The following MLXIP variants were observed in gnomAD, a reference collection of about 807,000 sequenced individuals.
MLXIP encodes the protein MLX-interacting protein.
In MLXIP, 30 loss-of-function variants were observed where a neutral mutation model predicts 87.2. That is an observed-to-expected ratio of 0.34 (90% CI 0.26 to 0.47). The LOEUF (loss-of-function observed/expected upper bound fraction) is 0.47. Ranked by LOEUF, MLXIP falls within the 20% of genes least tolerant of loss-of-function variation. The probability of loss-of-function intolerance (pLI) is 1.00; values close to 1 mark genes in which losing one functional copy is unlikely to be tolerated. For synonymous variants in MLXIP, 530 were observed against 514.0 expected (o/e 1.03, Z -0.42); for missense variants, 1,002 against 1,240.1 (o/e 0.81, Z 2.88).
chr12:122,085,875 G>A (rs981784680), intron 1 of MLXIP, among the ~76,000 whole-genome samples: 1 of 152,168 alleles, frequency 6.6e-6, no homozygotes, highest in African/African-American at 2.4e-5. Context: ...CTGTGACTGT[G>A]CTAGGTCATA....
chr12:122,117,421 G>T (rs1438666943), intron 1 of MLXIP, among the ~76,000 whole-genome samples: 1 of 152,230 alleles, frequency 6.6e-6, no homozygotes, highest in Non-Finnish European at 1.5e-5. Context: ...TTTGGCTGCT[G>T]GCAGCCTGTG....
Position 122,135,379 on chromosome 12 carries a change from T to G in MLXIP, c.1854+34T>G. ...GGCCCTAGGCAGACCTGCAGTGTCC[T>G]TCTCACCCCGGAGCACTCTGATCTT... On this transcript the variant is annotated intron_variant, in intron 10 of 16. Coordinates refer to ENST00000319080, the MANE Select transcript of MLXIP (RefSeq NM_014938.6). The surrounding 1 kb of genome is among the most constrained non-coding windows in gnomAD (Gnocchi z 5.3). 6.2e-7 allele frequency: 1 copy of G among 1,603,868 alleles called. No homozygotes were observed. The highest frequency in any genetic ancestry group is 8.5e-7 in the Non-Finnish European group (1 of 1,174,288).
intron 3 of MLXIP, chr12:122,128,925 T>C: frequency 1.7e-6 from 1 of 576,182 alleles, no homozygotes; most frequent in Admixed American, 2.9e-5. Flanking sequence ...TTGGCTACCT[T>C]AGGTCTTGAA....
At chr12:122,084,175 TG>T (rs1374455625) in intron 1 of MLXIP, among the ~76,000 whole-genome samples, 4 of 151,786 alleles carry the variant, frequency 2.6e-5, no homozygotes, top group Non-Finnish European at 5.9e-5. Flanking sequence ...TGTGTGTGTG[TG>T]TGTGTGTGTG....
chr12:122,082,481 G>C (rs1320059097), intron 1 of MLXIP, among the ~76,000 whole-genome samples: 1 of 152,212 alleles, frequency 6.6e-6, no homozygotes, highest in East Asian at 1.9e-4. Flanking sequence ...TGGGAATGGA[G>C]CTGGGAATGG....
chr12:122,127,166 T>A lies in MLXIP; in HGVS notation c.414-90T>A. ...TGGCTGGGGGTGGATCAGTCAAGAG[T>A]TTGGTCCTGGAATGATCGGGTGGCA... On this transcript the variant is annotated intron_variant, in intron 1 of 16. Coordinates refer to ENST00000319080, the MANE Select transcript of MLXIP (RefSeq NM_014938.6). 3.0e-6 allele frequency: 3 copies of A among 1,010,184 alleles called. No homozygotes were observed. In the South Asian group the frequency reaches 4.1e-5, roughly 14 times the overall value. The allele number at this position is 1,010,184 out of a possible 1,614,324, so 62.6% of individuals were successfully genotyped here.
At chr12:122,097,949 C>T (rs574246226) in intron 1 of MLXIP, among the ~76,000 whole-genome samples, 6 of 152,326 alleles carry the variant, frequency 3.9e-5, no homozygotes, top group Middle Eastern at 3.4e-3. Flanking sequence ...TGACCTTTCA[C>T]AGTACTGTGA....
At chr12:122,085,610 G>A (rs532624887) in intron 1 of MLXIP, among the ~76,000 whole-genome samples, 7 of 152,116 alleles carry the variant, frequency 4.6e-5, no homozygotes, top group Non-Finnish European at 1.0e-4. Context: ...CATCATGTTG[G>A]TCAGGCTGTT....
At position 122,138,525 on chromosome 12, in the gene MLXIP, G is replaced by A. The variant is rs1201522853; in HGVS notation, c.2358G>A (p.Glu786=). 9 of 1,613,278 alleles carry A rather than the reference G, an allele frequency of 5.6e-6. No homozygotes were observed. Among genetic ancestry groups the A allele is most frequent in the African/African-American group, 1.3e-5 (1 of 75,042 alleles). The change falls in exon 14 of 17, where the codon GAG becomes GAA. Residue 786 remains glutamate, a synonymous_variant. Transcript: ENST00000319080. Reference sequence around the variant, plus strand: ...AGGAGGCCCGGCGGCTGCGGGAGGAGATCGAGGAGCTCAATGCCACCATCA... The same window carrying A: ...AGGAGGCCCGGCGGCTGCGGGAGGAAATCGAGGAGCTCAATGCCACCATCA... ...MQEEARRLRE[E]IEELNATIIS...
Position 122,106,491 on chromosome 12 carries a change from G to T in MLXIP, c.414-20765G>T, listed in dbSNP as rs141493950. ...GCAGAGCCTGACACATCGGGCTTTT[G>T]GTAAGTGTTGCTGGGATGTTCCACT... On this transcript the variant is annotated intron_variant, in intron 1 of 16. Transcript: ENST00000319080. Among the ~76,000 whole-genome samples, 435 of 152,054 alleles carry T rather than the reference G, an allele frequency of 2.9e-3. 8 individuals are homozygous for T. The highest frequency in any genetic ancestry group is 0.025 in the Admixed American group (379 of 15,246).
Position 122,135,310 on chromosome 12 carries a change from T to C in MLXIP, c.1819T>C (p.Ser607Pro). Residue 607 changes from serine to proline, a missense_variant, in exon 10 of 17, where the codon TCC (serine) becomes CCC (proline). Coordinates refer to ENST00000319080, the MANE Select transcript of MLXIP (RefSeq NM_014938.6). The surrounding 1 kb of genome is among the most constrained non-coding windows in gnomAD (Gnocchi z 5.3). ...GATGTTGGCCTCCACCGTGTCCCAG[T>C]CCAACGTGGTCATTGCGCCTGCTGC... ...EGMLASTVSQ[S>P]NVVIAPAAIA... is the part of the protein sequence containing the mutation. 1 of 1,613,684 alleles carries C rather than the reference T, an allele frequency of 6.2e-7. No individual in the cohort carries two copies. The highest frequency in any genetic ancestry group is 8.5e-7 in the Non-Finnish European group (1 of 1,179,870).
rs372181579 is a variant in MLXIP, at chr12:122,133,843, C to T, written c.1588C>T (p.Arg530Trp). 1.3e-5 allele frequency: 21 copies of T among 1,612,692 alleles called. No homozygotes were observed. Among genetic ancestry groups the T allele is most frequent in the South Asian group, 2.2e-5 (2 of 90,880 alleles). Residue 530 changes from arginine (R) to tryptophan (W), a missense_variant, in exon 9 of 17, where the codon CGG (arginine) becomes TGG (tryptophan). Physicochemically the swap from Arg to Trp is moderately radical, Grantham distance 101. Transcript: ENST00000319080. The surrounding 1 kb of genome is among the most constrained non-coding windows in gnomAD (Gnocchi z 4.9). ...TGGGCTGGCACTGTCTCCTGTCACC[C>T]GGCCTCCCCAGCCACGGTTAACTTT... ...PCGLALSPVT[R>W]PPQPRLTFVH... is the part of the protein sequence containing the mutation.
chr12:122,138,532 G>A lies in MLXIP; in HGVS notation c.2365G>A (p.Glu789Lys). 6.2e-7 allele frequency: 1 copy of A among 1,612,754 alleles called. No homozygotes were observed. Among genetic ancestry groups the A allele is most frequent in the African/African-American group, 1.3e-5 (1 of 75,030 alleles). The change falls in exon 14 of 17, where the codon GAG becomes AAG. Residue 789 changes from glutamate to lysine, a missense_variant. Around this residue, in one of 3 missense-constraint regions of MLXIP, gnomAD observed 746 missense variants for 897.0 expected, o/e 0.83. Coordinates refer to ENST00000319080, the MANE Select transcript of MLXIP (RefSeq NM_014938.6). ...CCGGCGGCTGCGGGAGGAGATCGAG[G>A]AGCTCAATGCCACCATCATGTGAGC... ...EARRLREEIE[E>K]LNATIISCQQ... is the part of the protein sequence containing the mutation.
Position 122,135,923 on chromosome 12 carries a change from G to T in MLXIP, c.2032+257G>T, listed in dbSNP as rs1953083285. 2 of 451,688 alleles carry T rather than the reference G, an allele frequency of 4.4e-6. No individual in the cohort carries two copies. Among genetic ancestry groups the T allele is most frequent in the Non-Finnish European group, 7.8e-6 (2 of 256,368 alleles). 28.0% of individuals were successfully genotyped at this position (451,688 alleles called of 1,614,324 possible). On this transcript the variant is annotated intron_variant, in intron 11 of 16. Transcript: ENST00000319080. This position sits in a 1 kb window ranked among gnomAD's most constrained non-coding sequence, Gnocchi z 5.3. ...TGACCCGTGTGCTCGGGGAGTCCCT[G>T]CTGACTGCCCACGAAGGCCTGGTAC...
rs1268530384 is a variant in MLXIP at position 122,144,716 on chromosome 12, T to A, written c.*2904T>A. 2 of 152,052 alleles carry A rather than the reference T, an allele frequency of 1.3e-5. No homozygotes were observed. The highest frequency in any genetic ancestry group is 4.8e-5 in the African/African-American group (2 of 41,398). The allele number at this position is 152,052 out of a possible 1,614,324, so 9.4% of individuals were successfully genotyped here. On this transcript the variant is annotated 3_prime_UTR_variant, in exon 17 of 17. Transcript: ENST00000319080. The stretch of plus-strand genomic sequence containing the variant: ...GCCTGACCAACATGGTGAAACCCTG[T>A]CTATACTAAAAATACAAAACATTAG...
In MLXIP at chr12:122,132,293, C is replaced by T; in HGVS notation, c.1002C>T (p.Asp334=). ...DFMDTFEPFQ[D]LFSSSRSIFG... ...AAGACCCCTGCTGTTGTTTTTCAGA[C>T]CTCTTCTCTTCTAGCCGCTCCATTT... The change falls in exon 8 of 17, where the codon GAC becomes GAT. Residue 334 remains aspartate, a splice_region_variant and synonymous_variant. Transcript: ENST00000319080. 1 of 1,609,942 alleles carries T rather than the reference C, an allele frequency of 6.2e-7. No individual in the cohort carries two copies. The highest frequency in any genetic ancestry group is 8.5e-7 in the Non-Finnish European group (1 of 1,177,882).
chr12:122,093,388 G>GTGTT (rs1952279369), intron 1 of MLXIP, among the ~76,000 whole-genome samples: 1 of 147,140 alleles, frequency 6.8e-6, no homozygotes, highest in African/African-American at 2.5e-5. Context: ...TGTGGTGTGT[G>GTGTT]GGTGGTTATG....
At chr12:122,127,847 G>C in intron 2 of MLXIP, 36 bp from the exon 3 acceptor site, 1 of 1,591,650 alleles carries the variant, frequency 6.3e-7, no homozygotes, top group Non-Finnish European at 8.6e-7. Context: ...CAGGGGTCTG[G>C]ATCATGGTGC....
intron 1 of MLXIP, among the ~76,000 whole-genome samples, chr12:122,089,438 A>C (rs1438398743): frequency 2.6e-5 from 4 of 152,216 alleles, no homozygotes; most frequent in Non-Finnish European, 4.4e-5. Context: ...ACTGTTTTCT[A>C]GTTGAGTAGC....
Sources: allele counts gnomAD v4.1 joint callset (sites outside exome capture counted in the v4.1 genomes callset), GRCh38; gene constraint gnomAD v4.1.1; regional missense constraint gnomAD v4.1.1; non-coding constraint Gnocchi (gnomAD v3.1); transcripts MANE v1.5; gene names NCBI Gene and HGNC (gene_info 2026-07-23, HGNC 2026-07-21).